Variants in SOX5 observed in about 807,000 individuals in gnomAD.
SOX5 encodes the protein SRY-box transcription factor 5.
SOX5 carries 9 observed loss-of-function variants against 92.0 expected under a neutral mutation model. The ratio of observed to expected loss-of-function variants is 0.10; its 90% confidence interval spans 0.06 to 0.17. The LOEUF is 0.17. Among genes scored for constraint, SOX5 ranks in the 10% least tolerant of loss-of-function variants. SOX5 has a pLI of 1.00. For synonymous variants in SOX5, 344 were observed against 336.3 expected, an observed-to-expected ratio of 1.02 and a Z score of -0.25; for missense variants, 642 against 944.5, an observed-to-expected ratio of 0.68 and a Z score of 4.20.
intron 4 of SOX5, among the ~76,000 whole-genome samples, chr12:24,173,904 T>C (rs756104786): frequency 6.6e-6 from 1 of 152,152 alleles, no homozygotes; most frequent in Non-Finnish European, 1.5e-5. Flanking sequence ...GGGAGCAGCA[T>C]GCAAAAGTGC....
At chr12:24,286,175 G>A (rs1001042341) in intron 2 of SOX5, among the ~76,000 whole-genome samples, 18 of 152,078 alleles carry the variant, frequency 1.2e-4, no homozygotes, top group Non-Finnish European at 2.4e-4. Flanking sequence ...AAAATGAGAC[G>A]TGACAGTAAA....
intron 1 of SOX5, among the ~76,000 whole-genome samples, chr12:23,939,570 G>A (rs1943229183): frequency 6.6e-6 from 1 of 150,548 alleles, no homozygotes; most frequent in Non-Finnish European, 1.5e-5. Context: ...AAACTAATTT[G>A]TACAAAGATT....
intron 1 of SOX5, among the ~76,000 whole-genome samples, chr12:24,440,004 TA>T (rs1340451672): frequency 1.3e-5 from 2 of 152,220 alleles, no homozygotes; most frequent in African/African-American, 4.8e-5. Context: ...AAATGCTTAT[TA>T]AATAAGCAAA....
At chr12:24,244,803 C>G (rs1003001578) in intron 3 of SOX5, among the ~76,000 whole-genome samples, 1 of 152,198 alleles carries the variant, frequency 6.6e-6, no homozygotes, top group Non-Finnish European at 1.5e-5. Context: ...AGCAATTCTC[C>G]TGCCTCAGCC....
chr12:24,259,523 A>G (rs1332360823), intron 3 of SOX5, among the ~76,000 whole-genome samples: 2 of 152,232 alleles, frequency 1.3e-5, no homozygotes, highest in Non-Finnish European at 2.9e-5. Context: ...AAACTTACTG[A>G]AGACAGAATT....
chr12:23,731,568 C>T (rs1230850573), intron 6 of SOX5, among the ~76,000 whole-genome samples: 1 of 152,076 alleles, frequency 6.6e-6, no homozygotes, highest in African/African-American at 2.4e-5. Context: ...TCTAAATTGA[C>T]TTCTCCTTTA....
rs11047288 is a variant in SOX5 at position 24,159,474 on chromosome 12, T to A, written c.-2+53869A>T. Among the ~76,000 whole-genome samples the A allele has an allele frequency of 2.6e-3, 402 of 152,150 alleles. 6 individuals carry two copies. The highest frequency in any genetic ancestry group is 9.0e-3 in the African/African-American group (375 of 41,564). On this transcript the variant is annotated intron_variant, in intron 4 of 4. Transcript: ENST00000446891. ...TGAATTTACTAACTTTGAGATCTTG[T>A]GTTTTCCCTGTTACTGTCAACAACT...
intron 1 of SOX5, among the ~76,000 whole-genome samples, chr12:24,519,242 A>C (rs1950062923): frequency 1.3e-5 from 2 of 152,182 alleles, no homozygotes; most frequent in African/African-American, 4.8e-5. Context: ...CACTCTTCTA[A>C]GTTCTGGACA....
At chr12:23,780,138 T>C (rs2095244500) in intron 3 of SOX5, among the ~76,000 whole-genome samples, 2 of 151,952 alleles carry the variant, frequency 1.3e-5, no homozygotes, top group African/African-American at 4.8e-5. Context: ...CTGTGCAATC[T>C]GAATACTGGA....
At chr12:23,765,230 G>A (rs2094682723) in intron 3 of SOX5, among the ~76,000 whole-genome samples, 1 of 151,082 alleles carries the variant, frequency 6.6e-6, no homozygotes. Context: ...TTGTATTTTT[G>A]TCATTCTCAG....
At chr12:23,886,686 C>T (rs1025037474) in intron 2 of SOX5, among the ~76,000 whole-genome samples, 3 of 151,942 alleles carry the variant, frequency 2.0e-5, no homozygotes, top group African/African-American at 2.4e-5. Flanking sequence ...GATCTCCTTC[C>T]CTATTTCTTA....
intron 3 of SOX5, among the ~76,000 whole-genome samples, chr12:24,242,596 C>T (rs1380932756): frequency 6.6e-6 from 1 of 151,936 alleles, no homozygotes; most frequent in African/African-American, 2.4e-5. Flanking sequence ...ATTCCAAACA[C>T]GTATAGTCAC....
chr12:23,683,607 T>C (rs1317076818), intron 6 of SOX5, among the ~76,000 whole-genome samples: 1 of 151,914 alleles, frequency 6.6e-6, no homozygotes, highest in African/African-American at 2.4e-5. Flanking sequence ...ACAGGAAACC[T>C]TTAGTATGTA....
At chr12:24,013,839 A>G (rs1297167363) in intron 4 of SOX5, among the ~76,000 whole-genome samples, 4 of 152,224 alleles carry the variant, frequency 2.6e-5, no homozygotes, top group Non-Finnish European at 1.5e-5. Context: ...TTCTAAGACC[A>G]TTTATACATC....
At chr12:24,388,838 TC>T (rs1284956804) in intron 1 of SOX5, among the ~76,000 whole-genome samples, 1 of 152,200 alleles carries the variant, frequency 6.6e-6, no homozygotes, top group Non-Finnish European at 1.5e-5. Context: ...TGTCTGGATA[TC>T]CATTTCATAT....
intron 3 of SOX5, among the ~76,000 whole-genome samples, chr12:23,821,966 T>A (rs2096128100): frequency 6.6e-6 from 1 of 152,098 alleles, no homozygotes; most frequent in South Asian, 2.1e-4. Context: ...GTGGGATCAG[T>A]GGTGATATCC....
intron 1 of SOX5, among the ~76,000 whole-genome samples, chr12:23,923,175 G>C (rs1324817387): frequency 6.6e-6 from 1 of 152,048 alleles, no homozygotes; most frequent in Non-Finnish European, 1.5e-5. Context: ...TCAATCTCCT[G>C]ACCTCAATCT....
chr12:23,667,989 C>T (rs750371314), intron 6 of SOX5, among the ~76,000 whole-genome samples: 4 of 152,154 alleles, frequency 2.6e-5, no homozygotes, highest in Non-Finnish European at 4.4e-5. Flanking sequence ...TTAATAATGC[C>T]ACTTTCCTGG....
At chr12:23,550,747 T>C (rs939455996) in intron 11 of SOX5, among the ~76,000 whole-genome samples, 18 of 151,792 alleles carry the variant, frequency 1.2e-4, no homozygotes, top group Non-Finnish European at 2.5e-4. Flanking sequence ...ATATTTAAAC[T>C]GAAAAATTTT....
Sources: gnomAD v4.1 joint callset for allele counts (sites outside exome capture counted in the v4.1 genomes callset) on GRCh38, gnomAD v4.1.1 for gene constraint, MANE v1.5 for transcripts, NCBI Gene and HGNC (gene_info 2026-07-23, HGNC 2026-07-21) for gene names.